Variants in SMC6 observed in about 807,000 individuals in gnomAD.
SMC6 encodes structural maintenance of chromosomes protein 6.
Under a neutral mutation model 142.2 loss-of-function variants are expected in SMC6, and 79 were observed. The ratio of observed to expected loss-of-function variants is 0.56; its 90% CI spans 0.46 to 0.67. The LOEUF is 0.67. Among genes scored for constraint, SMC6 ranks in the 30% least tolerant of loss-of-function variants. The pLI is 0.00. For synonymous variants in SMC6, 411 were observed against 412.4 expected, an observed-to-expected ratio of 1.00 and a Z score of 0.04; for missense variants, 1,072 against 1,284.0, an observed-to-expected ratio of 0.83 and a Z score of 2.52.
rs1667134181 is a variant in SMC6 at position 17,679,223 on chromosome 2, T to C, written c.2805-259A>G. The C allele has an allele frequency of 2.9e-5, 10 of 344,654 alleles. No homozygotes were observed. The South Asian group carries it at 4.1e-4, about 14-fold the overall frequency. 21.3% of individuals were successfully genotyped at this position (344,654 alleles called of 1,614,324 possible). A position where few individuals can be genotyped will look rare whatever the true frequency, so the allele number is the denominator to read the frequency against. ...AATGAATTAAAGAGTCATCTCACAT[T>C]TAATATAACCCATTATACCACAGTC... On this transcript the variant is annotated intron_variant, in intron 24 of 27. Transcript: ENST00000448223.
At chr2:17,697,288 G>A (rs1572283184) in intron 21 of SMC6, among the ~76,000 whole-genome samples, 1 of 151,928 alleles carries the variant, frequency 6.6e-6, no homozygotes, top group Non-Finnish European at 1.5e-5. Context: ...GGGTAATACT[G>A]TATTTATACA....
At chr2:17,726,006 T>G (rs1669597117) in intron 8 of SMC6, among the ~76,000 whole-genome samples, 1 of 138,880 alleles carries the variant, frequency 7.2e-6, no homozygotes, top group South Asian at 2.3e-4. Context: ...GAAAATCACT[T>G]AAACCTGAGG....
At chr2:17,716,637 T>A (rs539936950) in intron 14 of SMC6, 104 bp downstream of exon 14, 2 of 1,170,994 alleles carry the variant, frequency 1.7e-6, no homozygotes, top group African/African-American at 3.1e-5. Flanking sequence ...AAAGATCCCT[T>A]ATTATGTAGA....
chr2:17,694,000 C>CA (rs751816590), intron 23 of SMC6, among the ~76,000 whole-genome samples: 1,414 of 33,886 alleles, frequency 0.042, 30 homozygotes, highest in East Asian at 0.11. Flanking sequence ...AACTCCATCT[C>CA]AAAAAAAAAA....
intron 16 of SMC6, among the ~76,000 whole-genome samples, chr2:17,710,902 G>C (rs549480178): frequency 9.2e-5 from 14 of 152,068 alleles, no homozygotes; most frequent in African/African-American, 3.4e-4. Flanking sequence ...GACAGTAGCA[G>C]GTAAATGGCT....
At chr2:17,692,124 C>T (rs6745843) in intron 23 of SMC6, among the ~76,000 whole-genome samples, 74,704 of 151,918 alleles carry the variant, frequency 0.49, 20,486 homozygotes, top group African/African-American at 0.72. Context: ...AAAATGGCCA[C>T]ACTGCCCAAG....
At chr2:17,750,862 G>T (rs1227815062) in intron 2 of SMC6, among the ~76,000 whole-genome samples, 1 of 151,630 alleles carries the variant, frequency 6.6e-6, no homozygotes, top group Non-Finnish European at 1.5e-5. Context: ...AAAATTAGCT[G>T]GGCTTGGTGG....
intron 7 of SMC6, among the ~76,000 whole-genome samples, chr2:17,729,790 C>T (rs760513769): frequency 3.3e-5 from 5 of 152,158 alleles, no homozygotes; most frequent in African/African-American, 4.8e-5. Context: ...ACATTTGCTA[C>T]GTGTGGCTTT....
intron 4 of SMC6, 83 bp downstream of exon 4, chr2:17,741,529 A>G: frequency 1.3e-6 from 1 of 784,352 alleles, no homozygotes; most frequent in South Asian, 1.8e-5. Context: ...TATTAGCACT[A>G]ATAGTCACCT....
intron 25 of SMC6, among the ~76,000 whole-genome samples, chr2:17,676,600 T>C (rs562322196): frequency 1.3e-5 from 2 of 152,174 alleles, no homozygotes; most frequent in Non-Finnish European, 2.9e-5. Flanking sequence ...GGCATTTTAA[T>C]GAAAATTGAG....
chr2:17,741,905 G>C (rs1163246788), intron 3 of SMC6, among the ~76,000 whole-genome samples, 176 bp from the exon 4 acceptor site: 1 of 152,174 alleles, frequency 6.6e-6, no homozygotes, highest in Admixed American at 6.5e-5. Context: ...CTATGAGTCA[G>C]TACTCATTCT....
At chr2:17,713,808 T>C (rs1175309755) in intron 16 of SMC6, among the ~76,000 whole-genome samples, 2 of 152,248 alleles carry the variant, frequency 1.3e-5, no homozygotes, top group Non-Finnish European at 2.9e-5. Context: ...CTTCCACGCA[T>C]TTTGCACACA....
intron 25 of SMC6, among the ~76,000 whole-genome samples, chr2:17,673,702 T>C (rs927107897): frequency 3.3e-5 from 5 of 151,838 alleles, no homozygotes; most frequent in Non-Finnish European, 4.4e-5. Flanking sequence ...CCCGAGTAGC[T>C]GGGATTACAG....
At chr2:17,690,030 AC>A (rs1339572779) in intron 23 of SMC6, among the ~76,000 whole-genome samples, 1 of 152,190 alleles carries the variant, frequency 6.6e-6, no homozygotes, top group East Asian at 1.9e-4. Flanking sequence ...TCTATTCAAT[AC>A]ATTATTAATT....
intron 20 of SMC6, among the ~76,000 whole-genome samples, chr2:17,701,198 T>C (rs961905527): frequency 1.3e-5 from 2 of 151,954 alleles, no homozygotes; most frequent in Non-Finnish European, 2.9e-5. Context: ...TGAGACTTAT[T>C]CCATTTTGCG....
intron 24 of SMC6, among the ~76,000 whole-genome samples, chr2:17,683,352 G>C (rs1382951536): frequency 6.6e-6 from 1 of 151,922 alleles, no homozygotes; most frequent in Non-Finnish European, 1.5e-5. Flanking sequence ...AATAGTCAAG[G>C]GTAAAATAAG....
In SMC6 at chr2:17,669,409, G is replaced by T. The variant is rs140810526; in HGVS notation, c.3063+1014C>A. ...TCCATACGCAGGTAGTAGTTTTGGG[G>T]ACTGTGATATGTGTATATTTGTAGG... On this transcript the variant is annotated intron_variant, in intron 26 of 27. Transcript: ENST00000448223. Among the ~76,000 whole-genome samples, 27 of 152,248 alleles carry T rather than the reference G, an allele frequency of 1.8e-4. 1 individual carries two copies. In the East Asian group the frequency reaches 4.4e-3, roughly 25 times the overall value.
Position 17,738,217 on chromosome 2 carries a change from T to C in SMC6, c.344+4A>G. The C allele has an allele frequency of 1.9e-6, 3 of 1,599,832 alleles. No individual in the cohort carries two copies. The highest frequency in any genetic ancestry group is 2.6e-6 in the Non-Finnish European group (3 of 1,169,020). On this transcript the variant is annotated splice_donor_region_variant and intron_variant, in intron 5 of 27. Transcript: ENST00000448223. ...AAAATAGATGGTAGAAAGCAAACACTTACTTCTGTCCATCTTTCACAAAAC... is the reference window on the plus strand; with the variant it reads ...AAAATAGATGGTAGAAAGCAAACACCTACTTCTGTCCATCTTTCACAAAAC...
chr2:17,718,483 T>C (rs745750670), intron 11 of SMC6, among the ~76,000 whole-genome samples: 27 of 152,080 alleles, frequency 1.8e-4, no homozygotes, highest in Admixed American at 4.6e-4. Flanking sequence ...AAGAGAGAGA[T>C]ATAATTTAGC....
Sources: allele counts gnomAD v4.1 joint callset (sites outside exome capture counted in the v4.1 genomes callset), GRCh38; gene constraint gnomAD v4.1.1; transcripts MANE v1.5; gene names NCBI Gene and HGNC (gene_info 2026-07-23, HGNC 2026-07-21).